Variants in SLC25A13 observed in about 807,000 individuals in gnomAD.
The protein encoded by SLC25A13 is electrogenic aspartate/glutamate antiporter SLC25A13, mitochondrial.
SLC25A13 carries 70 observed loss-of-function variants against 85.5 expected under a neutral mutation model. That is an observed-to-expected ratio of 0.82 (90% CI 0.68 to 1.00). SLC25A13 has a LOEUF of 1.00. Ranked by LOEUF, SLC25A13 falls within the 50% of genes least tolerant of loss-of-function variation. SLC25A13 has a pLI of 0.00. For synonymous variants in SLC25A13, 259 were observed against 288.7 expected (o/e 0.90, Z 1.04); for missense variants, 765 against 819.8 (o/e 0.93, Z 0.82).
Position 96,185,552 on chromosome 7 carries a change from C to T in SLC25A13, c.934-541G>A, listed in dbSNP as rs949537526. On this transcript the variant is annotated intron_variant, in intron 9 of 17. Transcript: ENST00000265631. The stretch of plus-strand genomic sequence containing the variant: ...CAGAGGTTGCAGTGAGCTGAGATCA[C>T]GCCACTGCACTTCAGCCTCGGCAAC... 5.3e-5 allele frequency among the ~76,000 whole-genome samples: 8 copies of T among 151,790 alleles called. No homozygotes were observed. The East Asian group carries it at 9.7e-4, about 18-fold the overall frequency.
chr7:96,161,219 T>A (rs1380376004), intron 13 of SLC25A13, among the ~76,000 whole-genome samples: 1 of 152,198 alleles, frequency 6.6e-6, no homozygotes, highest in Non-Finnish European at 1.5e-5. Context: ...TGAAGTCAAA[T>A]AAAATAAATA....
chr7:96,134,250 G>A (rs1792165541), intron 14 of SLC25A13, among the ~76,000 whole-genome samples: 1 of 151,838 alleles, frequency 6.6e-6, no homozygotes, highest in South Asian at 2.1e-4. Flanking sequence ...TGGGCAGGCT[G>A]GTCTCCAACT....
intron 2 of SLC25A13, among the ~76,000 whole-genome samples, chr7:96,291,366 G>A (rs1462053514): frequency 6.6e-6 from 1 of 152,114 alleles, no homozygotes; most frequent in African/African-American, 2.4e-5. Context: ...ACAATTAAAA[G>A]AACTAGAGAA....
intron 4 of SLC25A13, among the ~76,000 whole-genome samples, chr7:96,214,868 A>G (rs1286295859): frequency 6.6e-6 from 1 of 152,208 alleles, no homozygotes; most frequent in Non-Finnish European, 1.5e-5. Flanking sequence ...GAAAGAAACT[A>G]AAGAAAATCT....
intron 4 of SLC25A13, among the ~76,000 whole-genome samples, chr7:96,231,932 G>C (rs1468651249): frequency 6.6e-6 from 1 of 152,076 alleles, no homozygotes; most frequent in African/African-American, 2.4e-5. Context: ...TGCTAGCAAG[G>C]TTGCAGAGAA....
At chr7:96,154,763 A>G (rs1429797057) in intron 13 of SLC25A13, among the ~76,000 whole-genome samples, 1 of 150,252 alleles carries the variant, frequency 6.7e-6, no homozygotes, top group Non-Finnish European at 1.5e-5. Context: ...AAAGAGGATG[A>G]CGAGTAGGCT....
chr7:96,122,038 C>T, intron 15 of SLC25A13, 41 bp from the exon 16 acceptor site: 8 of 1,612,862 alleles, frequency 5.0e-6, no homozygotes, highest in Non-Finnish European at 6.8e-6. Context: ...TGGTCACATT[C>T]TCACTATATA....
rs770563944 is a variant in SLC25A13, at chr7:96,120,441, A to G, written c.*750T>C. 3 of 454,384 alleles carry G rather than the reference A, an allele frequency of 6.6e-6. No homozygotes were observed. The highest frequency in any genetic ancestry group is 6.9e-4 in the Middle Eastern group (1 of 1,444). 28.1% of individuals were successfully genotyped at this position (454,384 alleles called of 1,614,324 possible). A position where few individuals can be genotyped will look rare whatever the true frequency, so the allele number is the denominator to read the frequency against. On this transcript the variant is annotated 3_prime_UTR_variant, in exon 18 of 18. Coordinates refer to ENST00000265631, the MANE Select transcript of SLC25A13 (RefSeq NM_014251.3). ...ATTTTTCAAGAGTGTTTATTAAAAT[A>G]GGCAGTAATCAGTACATGTACATCA...
intron 9 of SLC25A13, among the ~76,000 whole-genome samples, chr7:96,186,561 G>T (rs916008223): frequency 6.6e-5 from 10 of 151,866 alleles, no homozygotes; most frequent in African/African-American, 2.4e-4. Flanking sequence ...TAAACAAAAA[G>T]AACAAAAATT....
chr7:96,171,170 A>T (rs963198791), intron 12 of SLC25A13, among the ~76,000 whole-genome samples: 2 of 152,236 alleles, frequency 1.3e-5, no homozygotes, highest in Non-Finnish European at 2.9e-5. Context: ...AGATTAAACC[A>T]GTAAAACGTA....
chr7:96,124,248 A>G (rs1048400018), intron 15 of SLC25A13, among the ~76,000 whole-genome samples: 21 of 152,248 alleles, frequency 1.4e-4, no homozygotes, highest in African/African-American at 3.6e-4. Flanking sequence ...ATTTATATTT[A>G]TAAGGAAAGT....
chr7:96,216,099 T>C (rs926322206), intron 4 of SLC25A13, among the ~76,000 whole-genome samples: 3 of 149,910 alleles, frequency 2.0e-5, no homozygotes, highest in African/African-American at 7.4e-5. Flanking sequence ...GAGGTTGCAG[T>C]GAGCCGAGAT....
chr7:96,193,369 A>C (rs1451277514), intron 5 of SLC25A13, among the ~76,000 whole-genome samples, 186 bp from the exon 6 acceptor site: 1 of 152,104 alleles, frequency 6.6e-6, no homozygotes, highest in Admixed American at 6.6e-5. Context: ...GCTCAGACCA[A>C]TGAACATGTC....
intron 2 of SLC25A13, among the ~76,000 whole-genome samples, chr7:96,290,618 G>A (rs1799082509): frequency 6.6e-6 from 1 of 150,822 alleles, no homozygotes; most frequent in Non-Finnish European, 1.5e-5. Context: ...AAAAAGGCAG[G>A]GGTTGCAATC....
intron 2 of SLC25A13, among the ~76,000 whole-genome samples, chr7:96,296,362 C>T (rs1799347177): frequency 6.6e-6 from 1 of 152,106 alleles, no homozygotes; most frequent in South Asian, 2.1e-4. Flanking sequence ...ATTCACATAC[C>T]TTACACCACA....
intron 3 of SLC25A13, among the ~76,000 whole-genome samples, chr7:96,245,647 A>T (rs1410643330): frequency 6.6e-6 from 1 of 152,146 alleles, no homozygotes; most frequent in Non-Finnish European, 1.5e-5. Context: ...CTGCATTTTA[A>T]TTACATCATG....
At chr7:96,238,695 G>A (rs1327428533) in intron 3 of SLC25A13, among the ~76,000 whole-genome samples, 2 of 151,828 alleles carry the variant, frequency 1.3e-5, no homozygotes, top group African/African-American at 4.8e-5. Context: ...CTTCCCAGTC[G>A]CCACGCCTCC....
intron 3 of SLC25A13, among the ~76,000 whole-genome samples, chr7:96,258,223 A>T (rs1225826109): frequency 6.6e-6 from 1 of 152,214 alleles, no homozygotes; most frequent in African/African-American, 2.4e-5. Context: ...GGCCAGGGCA[A>T]TCAGGCAAGA....
chr7:96,199,568 A>C (rs1795179797), intron 5 of SLC25A13, among the ~76,000 whole-genome samples: 1 of 152,168 alleles, frequency 6.6e-6, no homozygotes. Flanking sequence ...ACCTAAGGCC[A>C]GAAGGTCCAA....
Sources: gnomAD v4.1 joint callset for allele counts (sites outside exome capture counted in the v4.1 genomes callset) on GRCh38, gnomAD v4.1.1 for gene constraint, MANE v1.5 for transcripts, NCBI Gene and HGNC (gene_info 2026-07-23, HGNC 2026-07-21) for gene names.